Variants in ALDH1A2 observed in about 807,000 individuals in gnomAD.
ALDH1A2 encodes retinal dehydrogenase 2.
A neutral mutation model predicts 60.3 loss-of-function variants in ALDH1A2; 27 were observed. The observed-to-expected ratio is 0.45, with a 90% confidence interval of 0.33 to 0.62. ALDH1A2 has a LOEUF of 0.62. ALDH1A2 is among the 20% of genes least tolerant of loss of function. The pLI is 0.02. For synonymous variants in ALDH1A2, 289 were observed against 232.4 expected, an observed-to-expected ratio of 1.24 and a Z score of -2.21; for missense variants, 581 against 643.8, an observed-to-expected ratio of 0.90 and a Z score of 1.06.
At chr15:58,003,504 CT>C (rs1227531894) in intron 4 of ALDH1A2, among the ~76,000 whole-genome samples, 1 of 151,830 alleles carries the variant, frequency 6.6e-6, no homozygotes, top group African/African-American at 2.4e-5. Flanking sequence ...AGTTTTTAAC[CT>C]TTTCTATATG....
At chr15:58,007,918 T>G (rs575538748) in intron 4 of ALDH1A2, among the ~76,000 whole-genome samples, 1 of 152,230 alleles carries the variant, frequency 6.6e-6, no homozygotes, top group South Asian at 2.1e-4. Context: ...TGAATAATTA[T>G]GATTACGATA....
At chr15:57,981,360 A>C (rs1359119559) in intron 7 of ALDH1A2, among the ~76,000 whole-genome samples, 1 of 151,952 alleles carries the variant, frequency 6.6e-6, no homozygotes, top group Admixed American at 6.6e-5. Flanking sequence ...GTAGCCAAAA[A>C]TATTTGTAAA....
At chr15:57,957,714 G>T (rs1191628699) in intron 12 of ALDH1A2, among the ~76,000 whole-genome samples, 1 of 152,160 alleles carries the variant, frequency 6.6e-6, no homozygotes, top group Non-Finnish European at 1.5e-5. Context: ...AGGCTTTAAG[G>T]TAACCTGTCA....
intron 1 of ALDH1A2, among the ~76,000 whole-genome samples, chr15:58,033,437 C>A (rs116751648): frequency 6.6e-6 from 1 of 151,750 alleles, no homozygotes; most frequent in Non-Finnish European, 1.5e-5. Flanking sequence ...TTGGAAGTTG[C>A]ACACTGTATT....
intron 4 of ALDH1A2, among the ~76,000 whole-genome samples, chr15:57,998,980 G>A (rs374566940): frequency 1.1e-4 from 16 of 152,160 alleles, no homozygotes; most frequent in Admixed American, 6.5e-4. Flanking sequence ...AATGGTGCTG[G>A]GAAAACTAGC....
intron 1 of ALDH1A2, among the ~76,000 whole-genome samples, chr15:58,015,694 C>G (rs1251930731): frequency 6.6e-6 from 1 of 152,158 alleles, no homozygotes; most frequent in African/African-American, 2.4e-5. Context: ...GGTTTTCTCT[C>G]TATTACACAT....
rs1435112972 is a variant in ALDH1A2 at position 57,960,833 on chromosome 15, T to A, written c.1421A>T (p.Tyr474Phe). ...GGGGCTCTGGGCATTTAAGGCATTGTAACAATTGATCCTGAAAGAAGAAAA... is the reference window on the plus strand; with the variant it reads ...GGGGCTCTGGGCATTTAAGGCATTGAAACAATTGATCCTGAAAGAAGAAAA... ...MQAGTVWINC[Y>F]NALNAQSPFG... The change falls in exon 12 of 13, where the codon TAC (tyrosine) becomes TTC (phenylalanine). Residue 474 changes from tyrosine to phenylalanine, a missense_variant. By Grantham distance (22) the Tyr-to-Phe change is conservative. Transcript: ENST00000249750. The A allele has an allele frequency of 3.1e-6, 5 of 1,613,962 alleles. 1 individual carries two copies. The South Asian group carries it at 5.5e-5, about 18-fold the overall frequency.
chr15:57,973,378 C>T (rs1342905311), intron 7 of ALDH1A2, among the ~76,000 whole-genome samples: 1 of 152,106 alleles, frequency 6.6e-6, no homozygotes, highest in African/African-American at 2.4e-5. Flanking sequence ...AAAGCAGCCA[C>T]CTCAAATAAG....
intron 1 of ALDH1A2, among the ~76,000 whole-genome samples, chr15:58,044,534 G>A (rs181176007): frequency 2.2e-4 from 34 of 151,970 alleles, no homozygotes; most frequent in Non-Finnish European, 4.7e-4. Context: ...TTTCTTTCCC[G>A]AAAGCAAAAT....
chr15:57,970,237 G>C (rs917106155), intron 7 of ALDH1A2, among the ~76,000 whole-genome samples: 7 of 152,210 alleles, frequency 4.6e-5, no homozygotes, highest in African/African-American at 9.6e-5. Flanking sequence ...AGCTCCTTAT[G>C]AAAGAGTAAG....
Position 58,014,258 on chromosome 15 carries a change from C to T in ALDH1A2, c.141G>A (p.Gln47=), listed in dbSNP as rs768283380. The T allele has an allele frequency of 1.2e-6, 2 of 1,614,032 alleles. No homozygotes were observed. The highest frequency in any genetic ancestry group is 3.3e-5 in the Admixed American group (2 of 60,010). Residue 47 remains glutamine, a synonymous_variant, in exon 2 of 13, where the codon CAG becomes CAA. Coordinates refer to ENST00000249750, the MANE Select transcript of ALDH1A2 (RefSeq NM_003888.4). ...GGAACACTCTCCCACTCTCTGAGTT[C>T]TGCCACTCGTTGTTTATAAAGATCT... ...YTKIFINNEW[Q]NSESGRVFPV...
chr15:57,979,945 T>C (rs1172338622), intron 7 of ALDH1A2: 5 of 354,408 alleles, frequency 1.4e-5, no homozygotes, highest in Admixed American at 1.2e-4. Context: ...GGTTCCCAGC[T>C]TGGTGTCACA....
intron 12 of ALDH1A2, among the ~76,000 whole-genome samples, chr15:57,958,741 C>G (rs974281050): frequency 6.6e-6 from 1 of 152,152 alleles, no homozygotes; most frequent in African/African-American, 2.4e-5. Flanking sequence ...CAAGACAGAG[C>G]AGCTTCTTTT....
In ALDH1A2 at chr15:58,014,252, T is replaced by C; in HGVS notation, c.147A>G (p.Ser49=). 2 of 1,614,106 alleles carry C rather than the reference T, an allele frequency of 1.2e-6. No homozygotes were observed. Among genetic ancestry groups the C allele is most frequent in the Non-Finnish European group, 1.7e-6 (2 of 1,179,950 alleles). The change falls in exon 2 of 13, where the codon TCA becomes TCG. Residue 49 remains serine, a synonymous_variant. Coordinates refer to ENST00000249750, the MANE Select transcript of ALDH1A2 (RefSeq NM_003888.4). The stretch of plus-strand genomic sequence containing the variant: ...AGACAGGGAACACTCTCCCACTCTC[T>C]GAGTTCTGCCACTCGTTGTTTATAA... The part of the protein sequence containing the change: ...KIFINNEWQN[S]ESGRVFPVYN...
chr15:57,979,362 A>C (rs1894398138), intron 7 of ALDH1A2, among the ~76,000 whole-genome samples: 1 of 152,204 alleles, frequency 6.6e-6, no homozygotes, highest in African/African-American at 2.4e-5. Context: ...ATCGGCTGAC[A>C]AAAGTGGGAA....
At chr15:58,031,072 G>A (rs1190506626) in intron 1 of ALDH1A2, among the ~76,000 whole-genome samples, 2 of 151,970 alleles carry the variant, frequency 1.3e-5, no homozygotes, top group African/African-American at 4.8e-5. Context: ...AAGCCACTAC[G>A]ATCCTAAGCA....
At chr15:58,064,759 G>A (rs1375928230) in intron 1 of ALDH1A2, among the ~76,000 whole-genome samples, 2 of 151,842 alleles carry the variant, frequency 1.3e-5, no homozygotes, top group Admixed American at 6.6e-5. Context: ...TTTGTGGAAA[G>A]TAAATTCATT....
At chr15:58,013,726 T>C (rs749986074) in intron 3 of ALDH1A2, 132 bp downstream of exon 3, 2 of 1,265,626 alleles carry the variant, frequency 1.6e-6, no homozygotes, top group Non-Finnish European at 2.1e-6. Context: ...CGCTCCAGCC[T>C]GGGCGACAGA....
intron 7 of ALDH1A2, among the ~76,000 whole-genome samples, chr15:57,986,267 T>A (rs1341014620): frequency 3.3e-5 from 5 of 152,082 alleles, no homozygotes; most frequent in African/African-American, 9.7e-5. Context: ...TGCAGTATGG[T>A]ATGAGGAGAC....
Sources: gnomAD v4.1 joint callset for allele counts (sites outside exome capture counted in the v4.1 genomes callset) on GRCh38, gnomAD v4.1.1 for gene constraint, MANE v1.5 for transcripts, NCBI Gene and HGNC (gene_info 2026-07-23, HGNC 2026-07-21) for gene names.